The following DLG2 variants were observed in gnomAD, a reference collection of about 807,000 sequenced individuals.
DLG2 encodes disks large homolog 2.
DLG2 carries 45 observed loss-of-function variants against 132.5 expected under a neutral mutation model. The observed-to-expected ratio is 0.34, with a 90% CI of 0.27 to 0.44. DLG2 has a LOEUF of 0.44. DLG2 is among the 20% of genes least tolerant of loss of function. The probability of loss-of-function intolerance (pLI) is 1.00; values close to 1 mark genes in which losing one functional copy is unlikely to be tolerated. For synonymous variants in DLG2, 424 were observed against 419.6 expected, an observed-to-expected ratio of 1.01 and a Z score of -0.13; for missense variants, 1,045 against 1,196.9, an observed-to-expected ratio of 0.87 and a Z score of 1.87.
Position 83,463,268 on chromosome 11 carries a change from A to AC in DLG2, c.2730-1176dup, listed in dbSNP as rs58362715. On this transcript the variant is annotated intron_variant, in intron 26 of 27. Coordinates refer to ENST00000376104, the MANE Select transcript of DLG2 (RefSeq NM_001142699.3). ...AAGAGGCTATTTGGAAAAAAAAAAA[A>AC]CAATATATTGACATTAGACATTAAT... Among the ~76,000 whole-genome samples the AC allele has an allele frequency of 5.3e-5, 8 of 151,880 alleles. No individual in the cohort carries two copies. In the East Asian group the frequency reaches 9.6e-4, roughly 18 times the overall value.
intron 6 of DLG2, among the ~76,000 whole-genome samples, chr11:84,710,848 CT>C (rs148898528): frequency 1.6e-3 from 238 of 151,060 alleles, no homozygotes; most frequent in African/African-American, 5.4e-3. Context: ...AAAATATTAC[CT>C]TATTTATAAG....
intron 3 of DLG2, among the ~76,000 whole-genome samples, chr11:85,418,823 G>A (rs2090069348): frequency 3.3e-5 from 5 of 152,052 alleles, no homozygotes. Flanking sequence ...GCCTGTGTGT[G>A]TCTTTGCACA....
chr11:83,993,481 A>G (rs2093840159), intron 11 of DLG2, among the ~76,000 whole-genome samples: 1 of 152,166 alleles, frequency 6.6e-6, no homozygotes, highest in Non-Finnish European at 1.5e-5. Context: ...ATTAAAAATG[A>G]CCAATGACAG....
chr11:85,010,584 G>A (rs2059069926), intron 6 of DLG2, among the ~76,000 whole-genome samples: 1 of 152,032 alleles, frequency 6.6e-6, no homozygotes, highest in South Asian at 2.1e-4. Context: ...TATTATTTCT[G>A]TTTCTCTTCC....
At chr11:84,745,840 A>G (rs1260189554) in intron 6 of DLG2, among the ~76,000 whole-genome samples, 2 of 152,366 alleles carry the variant, frequency 1.3e-5, no homozygotes, top group East Asian at 1.9e-4. Flanking sequence ...AAAACAGAAC[A>G]TGATGAACTG....
chr11:84,041,818 A>T (rs1566174938), intron 11 of DLG2, among the ~76,000 whole-genome samples: 1 of 151,878 alleles, frequency 6.6e-6, no homozygotes, highest in African/African-American at 2.4e-5. Context: ...CACAATTCCC[A>T]TGTGTTATGG....
chr11:84,888,216 G>T (rs149439354), intron 6 of DLG2, among the ~76,000 whole-genome samples: 1 of 152,062 alleles, frequency 6.6e-6, no homozygotes, highest in Non-Finnish European at 1.5e-5. Flanking sequence ...AGGGTGTTTC[G>T]GAGTAAATTA....
intron 9 of DLG2, among the ~76,000 whole-genome samples, chr11:84,109,961 C>T (rs935220421): frequency 1.3e-5 from 2 of 152,144 alleles, no homozygotes; most frequent in Admixed American, 1.3e-4. Context: ...TGAAATACCC[C>T]TCAAATCCAT....
At chr11:85,497,771 T>C (rs1472921763) in intron 3 of DLG2, among the ~76,000 whole-genome samples, 1 of 152,304 alleles carries the variant, frequency 6.6e-6, no homozygotes, top group East Asian at 1.9e-4. Context: ...AGGGAGTCAA[T>C]ATTCAACATT....
chr11:83,841,483 C>T (rs2057513702), intron 16 of DLG2, among the ~76,000 whole-genome samples: 1 of 152,156 alleles, frequency 6.6e-6, no homozygotes, highest in Non-Finnish European at 1.5e-5. Flanking sequence ...CTACTCTAGG[C>T]TGGGTTGGGT....
At chr11:83,845,207 G>A (rs558695738) in intron 16 of DLG2, among the ~76,000 whole-genome samples, 5 of 151,890 alleles carry the variant, frequency 3.3e-5, no homozygotes, top group East Asian at 1.9e-4. Flanking sequence ...ATGCAACTAC[G>A]TTCACGTGAA....
intron 4 of DLG2, among the ~76,000 whole-genome samples, chr11:85,255,939 T>C (rs17208171): frequency 0.043 from 6,513 of 152,240 alleles, 187 homozygotes; most frequent in East Asian, 0.094. Context: ...AATTCAGAGT[T>C]AGGGGCAAGA....
At chr11:83,565,012 C>T (rs2096679854) in intron 19 of DLG2, among the ~76,000 whole-genome samples, 1 of 152,180 alleles carries the variant, frequency 6.6e-6, no homozygotes, top group Non-Finnish European at 1.5e-5. Context: ...ATCTGTTTCC[C>T]TCACTGGACT....
chr11:85,006,673 A>C (rs1021012296), intron 6 of DLG2, among the ~76,000 whole-genome samples: 2 of 152,084 alleles, frequency 1.3e-5, no homozygotes, highest in African/African-American at 4.8e-5. Flanking sequence ...TTTTCAAAAA[A>C]AACAGTTCCT....
Position 85,209,455 on chromosome 11 carries a change from T to G in DLG2, c.187-54804A>C, listed in dbSNP as rs2082112807. On this transcript the variant is annotated intron_variant, in intron 4 of 27. Coordinates refer to ENST00000376104, the MANE Select transcript of DLG2 (RefSeq NM_001142699.3). ...CACAAAGAAATCAGTCTTTTTTTTT[T>G]TTTTTTTTTTTTGAGACAGAGACTT... is the stretch of plus-strand genomic sequence containing the variant. Among the ~76,000 whole-genome samples the G allele has an allele frequency of 3.6e-5, 5 of 138,514 alleles. No individual in the cohort carries two copies. In the South Asian group the frequency reaches 1.2e-3, roughly 34 times the overall value. 90.9% of individuals were successfully genotyped at this position (138,514 alleles called of 152,430 possible).
At chr11:85,396,670 G>C (rs780078858) in intron 3 of DLG2, among the ~76,000 whole-genome samples, 4 of 152,074 alleles carry the variant, frequency 2.6e-5, no homozygotes, top group Non-Finnish European at 4.4e-5. Context: ...GTGGAAGAAA[G>C]GATATCAGTA....
chr11:85,600,177 A>G (rs1438962452), intron 2 of DLG2, among the ~76,000 whole-genome samples: 1 of 152,114 alleles, frequency 6.6e-6, no homozygotes, highest in African/African-American at 2.4e-5. Context: ...CCCTTATATT[A>G]CTATGAATAA....
intron 3 of DLG2, among the ~76,000 whole-genome samples, chr11:85,417,124 C>G (rs550233990): frequency 1.3e-5 from 2 of 151,922 alleles, no homozygotes; most frequent in Non-Finnish European, 2.9e-5. Context: ...TCCATCAATA[C>G]CCTTGTTTAT....
intron 3 of DLG2, among the ~76,000 whole-genome samples, chr11:85,375,875 G>T (rs1264670369): frequency 6.6e-6 from 1 of 152,094 alleles, no homozygotes; most frequent in African/African-American, 2.4e-5. Context: ...TTGTGCTCTT[G>T]GTTGACTCTC....
Sources: allele counts gnomAD v4.1 joint callset (sites outside exome capture counted in the v4.1 genomes callset), GRCh38; gene constraint gnomAD v4.1.1; transcripts MANE v1.5; gene names NCBI Gene and HGNC (gene_info 2026-07-23, HGNC 2026-07-21).